The following RGL1 variants were observed in gnomAD, a reference collection of about 807,000 sequenced individuals.
RGL1 encodes ral guanine nucleotide dissociation stimulator like 1.
A neutral mutation model predicts 95.2 loss-of-function variants in RGL1; 24 were observed. That is an observed-to-expected ratio of 0.25 (90% confidence interval 0.18 to 0.35). The LOEUF is 0.35. RGL1 is among the 10% of genes least tolerant of loss of function. RGL1 has a pLI of 1.00. For missense variants in RGL1, 715 were observed against 936.3 expected, an observed-to-expected ratio of 0.76 and a Z score of 3.08; for synonymous variants, 329 against 344.9, an observed-to-expected ratio of 0.95 and a Z score of 0.51.
chr1:183,908,053 C>CATATATATATACACATACAT (rs1668439719), intron 14 of RGL1, among the ~76,000 whole-genome samples: 1 of 151,878 alleles, frequency 6.6e-6, no homozygotes, highest in Non-Finnish European at 1.5e-5. Flanking sequence ...TTTATACACA[C>CATATATATATACACATACAT]ATATATATAT....
chr1:183,829,204 T>C (rs1209229688), intron 2 of RGL1, among the ~76,000 whole-genome samples: 1 of 151,966 alleles, frequency 6.6e-6, no homozygotes, highest in African/African-American at 2.4e-5. Flanking sequence ...CCCAGAACTT[T>C]GGGAGGCTGA....
At chr1:183,872,126 G>A (rs1190010637) in intron 4 of RGL1, among the ~76,000 whole-genome samples, 1 of 152,112 alleles carries the variant, frequency 6.6e-6, no homozygotes, top group African/African-American at 2.4e-5. Context: ...ATTTTTACAC[G>A]ATAAAATGCT....
intron 2 of RGL1, among the ~76,000 whole-genome samples, chr1:183,773,434 C>T (rs1659411054): frequency 6.6e-6 from 1 of 152,108 alleles, no homozygotes; most frequent in African/African-American, 2.4e-5. Context: ...GACATATAAC[C>T]ATCTTTGCCT....
At chr1:183,682,615 A>C (rs574036065) in intron 1 of RGL1, among the ~76,000 whole-genome samples, 2 of 152,140 alleles carry the variant, frequency 1.3e-5, no homozygotes, top group South Asian at 2.1e-4. Context: ...AATAAGTGCG[A>C]TGAGGTGCTG....
chr1:183,900,697 G>T (rs1206507554), intron 11 of RGL1, among the ~76,000 whole-genome samples: 1 of 151,684 alleles, frequency 6.6e-6, no homozygotes, highest in Admixed American at 6.6e-5. Flanking sequence ...GTAGAAACAG[G>T]GTTTCACCAT....
At chr1:183,905,857 G>A (rs563317740) in intron 13 of RGL1, among the ~76,000 whole-genome samples, 1 of 152,148 alleles carries the variant, frequency 6.6e-6, no homozygotes, top group Admixed American at 6.5e-5. Flanking sequence ...ACAGTTATTT[G>A]AAATTCAGAT....
At chr1:183,768,237 T>C (rs1332362003) in intron 2 of RGL1, among the ~76,000 whole-genome samples, 1 of 152,084 alleles carries the variant, frequency 6.6e-6, no homozygotes, top group African/African-American at 2.4e-5. Flanking sequence ...ATTCTCTTTA[T>C]TTTTAAATAG....
intron 2 of RGL1, among the ~76,000 whole-genome samples, chr1:183,746,005 A>G (rs1657598536): frequency 1.4e-5 from 2 of 147,920 alleles, no homozygotes; most frequent in Non-Finnish European, 3.0e-5. Flanking sequence ...CTAAGGCTAA[A>G]GAAGTTCCTT....
At chr1:183,671,698 C>T (rs775153544) in intron 1 of RGL1, among the ~76,000 whole-genome samples, 6 of 152,022 alleles carry the variant, frequency 3.9e-5, no homozygotes, top group Non-Finnish European at 8.8e-5. Flanking sequence ...TTCAGCTTCT[C>T]TTGTCCCAAT....
intron 14 of RGL1, among the ~76,000 whole-genome samples, chr1:183,907,440 A>G (rs74133028): frequency 6.6e-6 from 1 of 151,858 alleles, no homozygotes; most frequent in East Asian, 1.9e-4. Flanking sequence ...CTGTATAAAA[A>G]CCCCTATAGC....
chr1:183,902,707 AC>A, intron 12 of RGL1, 107 bp downstream of exon 12: 2 of 1,003,662 alleles, frequency 2.0e-6, no homozygotes, highest in Non-Finnish European at 3.0e-6. Context: ...GTTAGCACCT[AC>A]TGAACGTTTA....
intron 7 of RGL1, among the ~76,000 whole-genome samples, chr1:183,887,098 T>TCC (rs35988192): frequency 6.6e-6 from 1 of 151,428 alleles, no homozygotes; most frequent in Admixed American, 6.6e-5. Flanking sequence ...TGAACCATGC[T>TCC]CCCATAGGCT....
At chr1:183,668,025 GTC>G (rs1162635336) in intron 1 of RGL1, among the ~76,000 whole-genome samples, 2,182 of 73,346 alleles carry the variant, frequency 0.03, 65 homozygotes, top group African/African-American at 0.088. Flanking sequence ...GTGTGTGTGT[GTC>G]TGTGTGTAAT....
intron 1 of RGL1, among the ~76,000 whole-genome samples, chr1:183,734,806 C>T (rs1432493523): frequency 1.3e-5 from 2 of 152,152 alleles, no homozygotes; most frequent in Non-Finnish European, 2.9e-5. Context: ...CCTGGAATTC[C>T]CTCTATCTCT....
At chr1:183,666,585 G>C (rs951113966) in intron 1 of RGL1, among the ~76,000 whole-genome samples, 1 of 151,496 alleles carries the variant, frequency 6.6e-6, no homozygotes, top group African/African-American at 2.4e-5. Flanking sequence ...ACTCCTGAAC[G>C]CAGGCCATCC....
intron 2 of RGL1, among the ~76,000 whole-genome samples, chr1:183,842,780 A>G (rs987836254): frequency 6.6e-6 from 1 of 152,228 alleles, no homozygotes; most frequent in Non-Finnish European, 1.5e-5. Flanking sequence ...TTGTCTGACA[A>G]GGGTTCCACC....
chr1:183,861,365 C>T (rs887549610), intron 3 of RGL1, among the ~76,000 whole-genome samples: 32 of 152,184 alleles, frequency 2.1e-4, no homozygotes, highest in Non-Finnish European at 5.9e-5. Context: ...CTAAGGGTTT[C>T]TTTGAACCAC....
intron 1 of RGL1, among the ~76,000 whole-genome samples, chr1:183,666,780 C>A (rs896469227): frequency 3.9e-5 from 6 of 152,134 alleles, no homozygotes; most frequent in African/African-American, 1.4e-4. Context: ...CAGAATATGG[C>A]CAATTTGGTA....
chr1:183,909,249 A>T (rs1361122025), intron 14 of RGL1, among the ~76,000 whole-genome samples: 1 of 152,200 alleles, frequency 6.6e-6, no homozygotes, highest in East Asian at 1.9e-4. Flanking sequence ...CAAATCTGGG[A>T]AATGCATTTT....
Sources: allele counts gnomAD v4.1 joint callset (sites outside exome capture counted in the v4.1 genomes callset), GRCh38; gene constraint gnomAD v4.1.1; transcripts MANE v1.5; gene names NCBI Gene and HGNC (gene_info 2026-07-23, HGNC 2026-07-21).